SMARCAL1: variants seen among roughly 807,000 people sequenced by gnomAD.
SMARCAL1 encodes the protein SNF2 related chromatin remodeling annealing helicase 1.
Under a neutral mutation model 94.5 loss-of-function variants are expected in SMARCAL1, and 58 were observed. The observed-to-expected ratio is 0.61, with a 90% confidence interval of 0.50 to 0.76. SMARCAL1 has a LOEUF of 0.76. SMARCAL1 is among the 30% of genes least tolerant of loss of function. The probability of loss-of-function intolerance (pLI) is 0.00; values close to 1 mark genes in which losing one functional copy is unlikely to be tolerated. For synonymous variants in SMARCAL1, 422 were observed against 455.1 expected (o/e 0.93, Z 0.93); for missense variants, 1,051 against 1,177.9 (o/e 0.89, Z 1.58).
intron 12 of SMARCAL1, among the ~76,000 whole-genome samples, chr2:216,462,685 C>T (rs1357867797): frequency 6.6e-6 from 1 of 152,114 alleles, no homozygotes; most frequent in African/African-American, 2.4e-5. Context: ...GGAAAGATAC[C>T]ATTCAAAGCT....
Position 216,415,523 on chromosome 2 carries a change from C to A in SMARCAL1, c.811+8C>A. On this transcript the variant is annotated splice_region_variant and intron_variant, in intron 3 of 17. Transcript: ENST00000357276. ...TGCCCAGCAAGAATTATGGTAATGT[C>A]TTCATTTTTCAGCTGTTTTTTTTTT... 7.5e-5 allele frequency: 109 copies of A among 1,454,404 alleles called. No homozygotes were observed. Among genetic ancestry groups the A allele is most frequent in the Non-Finnish European group, 1.0e-4 (104 of 1,045,058 alleles). 90.1% of individuals were successfully genotyped at this position (1,454,404 alleles called of 1,614,324 possible). A position where few individuals can be genotyped will look rare whatever the true frequency, so the allele number is the denominator to read the frequency against.
At chr2:216,470,450 C>T (rs779020720) in intron 14 of SMARCAL1, among the ~76,000 whole-genome samples, 1 of 151,840 alleles carries the variant, frequency 6.6e-6, no homozygotes, top group African/African-American at 2.4e-5. Flanking sequence ...CCACCAGGCC[C>T]AGCTGGTTTA....
chr2:216,448,222 G>C (rs1694361124), intron 11 of SMARCAL1, among the ~76,000 whole-genome samples: 1 of 152,118 alleles, frequency 6.6e-6, no homozygotes, highest in Non-Finnish European at 1.5e-5. Flanking sequence ...CATATATTTA[G>C]TTCATTTTCC....
intron 12 of SMARCAL1, among the ~76,000 whole-genome samples, chr2:216,455,562 C>T (rs968422454): frequency 6.6e-6 from 1 of 152,220 alleles, no homozygotes; most frequent in African/African-American, 2.4e-5. Flanking sequence ...TGTTCTGCAG[C>T]CTCCGCTGCT....
intron 14 of SMARCAL1, among the ~76,000 whole-genome samples, chr2:216,470,187 G>A (rs574702539): frequency 1.2e-4 from 19 of 152,066 alleles, no homozygotes; most frequent in Admixed American, 3.3e-4. Context: ...GTCTCGCTCC[G>A]TTGCCCGGGC....
Position 216,447,174 on chromosome 2 carries a change from T to TTCCAACC in SMARCAL1, c.1851+16_1851+17insTCCAACC. On this transcript the variant is annotated intron_variant, in intron 11 of 17. Coordinates refer to ENST00000357276, the MANE Select transcript of SMARCAL1 (RefSeq NM_014140.4). ...TGCCAAACGGGTATGTATTATCTCT[T>TTCCAACC]CCCTCCCAGCCCACCCATTTCTCAC... 5.1e-6 allele frequency: 8 copies of TTCCAACC among 1,579,164 alleles called. No individual in the cohort carries two copies. The highest frequency in any genetic ancestry group is 6.1e-6 in the Non-Finnish European group (7 of 1,150,072).
intron 4 of SMARCAL1, among the ~76,000 whole-genome samples, chr2:216,419,533 TG>T: frequency 6.6e-6 from 1 of 151,674 alleles, no homozygotes; most frequent in East Asian, 1.9e-4. Context: ...GTTTGTGACC[TG>T]GTGATCCTGG....
chr2:216,434,187 A>G (rs564991572), intron 8 of SMARCAL1, among the ~76,000 whole-genome samples: 1 of 152,126 alleles, frequency 6.6e-6, no homozygotes, highest in South Asian at 2.1e-4. Flanking sequence ...ACCCTCAGAA[A>G]TTCTAGGAAG....
At position 216,420,358 on chromosome 2, in the gene SMARCAL1, A is replaced by G. The variant is rs1312214950; in HGVS notation, c.922A>G (p.Ser308Gly). Residue 308 changes from serine (S) to glycine (G), a missense_variant, in exon 5 of 18, where the codon AGC becomes GGC. Ser to Gly is a moderately conservative substitution (Grantham distance 56). Transcript: ENST00000357276. ...NLQPLEWAYGSSESPSTSSEG... is the reference protein window; with the variant it reads ...NLQPLEWAYGGSESPSTSSEG... ...GCAGCCTCTGGAATGGGCCTATGGCAGCAGCGAGTCACCCTCCACCAGCAG... is the reference window on the plus strand; with the variant it reads ...GCAGCCTCTGGAATGGGCCTATGGCGGCAGCGAGTCACCCTCCACCAGCAG... 1.3e-5 allele frequency: 21 copies of G among 1,614,212 alleles called. No individual in the cohort carries two copies. The highest frequency in any genetic ancestry group is 1.8e-5 in the Non-Finnish European group (21 of 1,180,040).
intron 5 of SMARCAL1, 33 bp from the exon 6 acceptor site, chr2:216,423,600 T>C: frequency 6.3e-7 from 1 of 1,578,538 alleles, no homozygotes; most frequent in Non-Finnish European, 8.7e-7. Flanking sequence ...GGGCAGGGTG[T>C]CCTATTTGCT....
At chr2:216,435,316 T>C in intron 8 of SMARCAL1, 22 bp from the exon 9 acceptor site, 2 of 1,613,930 alleles carry the variant, frequency 1.2e-6, no homozygotes, top group Non-Finnish European at 1.7e-6. Context: ...ATTGTAGCTT[T>C]GTTCCCTCCT....
intron 5 of SMARCAL1, among the ~76,000 whole-genome samples, chr2:216,421,036 C>G (rs1693709324): frequency 6.6e-6 from 1 of 152,132 alleles, no homozygotes; most frequent in Admixed American, 6.6e-5. Context: ...CACAAGTTCC[C>G]TGAGCTGGTG....
chr2:216,462,645 C>A (rs1483831704), intron 12 of SMARCAL1, among the ~76,000 whole-genome samples: 2 of 152,120 alleles, frequency 1.3e-5, no homozygotes, highest in Non-Finnish European at 2.9e-5. Context: ...GGTTCCTCAG[C>A]ATCTTTCTTT....
At chr2:216,450,764 G>A in intron 11 of SMARCAL1, 82 bp from the exon 12 acceptor site, 1 of 1,126,318 alleles carries the variant, frequency 8.9e-7, no homozygotes, top group East Asian at 2.4e-5. Context: ...TGTGAGAAGA[G>A]GGACCTCCCG....
intron 13 of SMARCAL1, among the ~76,000 whole-genome samples, chr2:216,465,992 A>G (rs936024696): frequency 2.0e-5 from 3 of 151,922 alleles, no homozygotes; most frequent in African/African-American, 7.3e-5. Context: ...TTCATTTATG[A>G]CCCTGCTAAT....
intron 15 of SMARCAL1, among the ~76,000 whole-genome samples, chr2:216,476,602 C>G (rs1695085675): frequency 6.6e-6 from 1 of 152,226 alleles, no homozygotes; most frequent in African/African-American, 2.4e-5. Context: ...CGTGAGCCAC[C>G]ACATCCAGCC....
intron 14 of SMARCAL1, 128 bp downstream of exon 14, chr2:216,468,174 A>G: frequency 1.4e-6 from 1 of 706,716 alleles, no homozygotes; most frequent in South Asian, 1.5e-5. Context: ...GACTTTCTGA[A>G]GAAGAGTTCT....
chr2:216,450,503 A>C (rs1187830149), intron 11 of SMARCAL1, among the ~76,000 whole-genome samples: 1 of 152,246 alleles, frequency 6.6e-6, no homozygotes, highest in Non-Finnish European at 1.5e-5. Context: ...TTTAGTGTAC[A>C]GGAATAGTCT....
chr2:216,448,240 T>G (rs1184603341), intron 11 of SMARCAL1, among the ~76,000 whole-genome samples: 1 of 152,234 alleles, frequency 6.6e-6, no homozygotes, highest in Non-Finnish European at 1.5e-5. Flanking sequence ...TCCCTGTAGA[T>G]CAATCCAGAT....
Sources: gnomAD v4.1 joint callset for allele counts (sites outside exome capture counted in the v4.1 genomes callset) on GRCh38, gnomAD v4.1.1 for gene constraint, MANE v1.5 for transcripts, NCBI Gene and HGNC (gene_info 2026-07-23, HGNC 2026-07-21) for gene names.